DSE: variants seen among roughly 807,000 people sequenced by gnomAD.
DSE encodes dermatan sulfate epimerase.
DSE carries 36 observed loss-of-function variants against 84.4 expected under a neutral mutation model. The ratio of observed to expected loss-of-function variants is 0.43; its 90% CI spans 0.33 to 0.56. DSE has a LOEUF of 0.56. Ranked by LOEUF, DSE falls within the 20% of genes least tolerant of loss-of-function variation. The pLI, the probability that DSE is intolerant of heterozygous loss-of-function variation, is 0.06. For missense variants in DSE, 862 were observed against 1,169.6 expected, an observed-to-expected ratio of 0.74 and a Z score of 3.84; for synonymous variants, 410 against 430.1, an observed-to-expected ratio of 0.95 and a Z score of 0.58.
chr6:116,373,407 G>C (rs1278661036), intron 1 of DSE, among the ~76,000 whole-genome samples: 1 of 152,168 alleles, frequency 6.6e-6, no homozygotes, highest in Non-Finnish European at 1.5e-5. Flanking sequence ...AGTACAGGCA[G>C]TTGCCATGAT....
chr6:116,350,787 G>A (rs558312848), intron 2 of DSE, among the ~76,000 whole-genome samples: 1 of 152,010 alleles, frequency 6.6e-6, no homozygotes, highest in East Asian at 1.9e-4. Context: ...AAACGTGTAC[G>A]GTACCAAATA....
At chr6:116,303,535 A>G (rs1004944651) in intron 2 of DSE, among the ~76,000 whole-genome samples, 2 of 152,156 alleles carry the variant, frequency 1.3e-5, no homozygotes, top group Non-Finnish European at 2.9e-5. Context: ...TCTTCAATGA[A>G]TAAATGAAGC....
chr6:116,355,191 G>A (rs909268407), intron 2 of DSE, among the ~76,000 whole-genome samples: 5 of 152,166 alleles, frequency 3.3e-5, no homozygotes, highest in African/African-American at 1.2e-4. Context: ...TGGAATTGCT[G>A]GATGCAAATT....
At chr6:116,299,577 CATAT>C (rs1562213705) in intron 2 of DSE, among the ~76,000 whole-genome samples, 8 of 98,438 alleles carry the variant, frequency 8.1e-5, no homozygotes, top group Non-Finnish European at 1.3e-4. Context: ...CACACACATA[CATAT>C]ATATGTATGT....
At chr6:116,405,856 G>A (rs1046003526) in intron 2 of DSE, among the ~76,000 whole-genome samples, 3 of 152,176 alleles carry the variant, frequency 2.0e-5, no homozygotes, top group African/African-American at 7.2e-5. Flanking sequence ...GAGCAGCCCA[G>A]TTACAGTGCC....
intron 2 of DSE, among the ~76,000 whole-genome samples, chr6:116,347,843 C>T (rs1458439776): frequency 6.6e-6 from 1 of 152,200 alleles, no homozygotes; most frequent in Non-Finnish European, 1.5e-5. Flanking sequence ...AAACTACCAT[C>T]AGAGTTAACA....
rs778735094 is a variant in DSE, at chr6:116,399,266, C to T, written c.16C>T (p.Arg6Trp). 18 of 1,613,880 alleles carry T rather than the reference C, an allele frequency of 1.1e-5. No homozygotes were observed. The highest frequency in any genetic ancestry group is 2.2e-5 in the East Asian group (1 of 44,886). ...TGATGCCACGATGAGGACTCACACA[C>T]GGGGGGCTCCCAGTGTGTTTTTCAT... MRTHT[R>W]GAPSVFFIYL... The change falls in exon 2 of 6, where the codon CGG becomes TGG. Residue 6 changes from arginine to tryptophan, a missense_variant. Physicochemically the swap from Arg to Trp is moderately radical, Grantham distance 101. Around this residue, in one of 4 missense-constraint regions of DSE, gnomAD observed 52 missense variants for 49.6 expected, o/e 1.05. Transcript: ENST00000644252.
chr6:116,286,530 A>G (rs1773917309), intron 2 of DSE, among the ~76,000 whole-genome samples: 1 of 152,198 alleles, frequency 6.6e-6, no homozygotes. Flanking sequence ...GATATCTTCT[A>G]AAAGAGTCTT....
At chr6:116,355,302 T>C (rs749823765) in intron 2 of DSE, among the ~76,000 whole-genome samples, 11 of 152,254 alleles carry the variant, frequency 7.2e-5, no homozygotes, top group Non-Finnish European at 1.5e-4. Flanking sequence ...AGACTCACAA[T>C]TTCTGTGTAC....
At chr6:116,335,616 GC>G (rs1283484201) in intron 2 of DSE, among the ~76,000 whole-genome samples, 1 of 152,120 alleles carries the variant, frequency 6.6e-6, no homozygotes, top group African/African-American at 2.4e-5. Flanking sequence ...GATCTAATTG[GC>G]TTTTATTTGT....
chr6:116,361,639 G>C (rs1778896123), intron 2 of DSE, among the ~76,000 whole-genome samples: 1 of 152,126 alleles, frequency 6.6e-6, no homozygotes, highest in Admixed American at 6.5e-5. Flanking sequence ...CTGGGCAACA[G>C]AGCAAGACCC....
chr6:116,394,483 T>A (rs1781115826), intron 1 of DSE, among the ~76,000 whole-genome samples: 1 of 151,992 alleles, frequency 6.6e-6, no homozygotes. Context: ...TCACCCAGGC[T>A]AGAGTGCAGT....
intron 2 of DSE, among the ~76,000 whole-genome samples, chr6:116,402,949 T>C (rs1225979911): frequency 5.9e-5 from 9 of 152,216 alleles, no homozygotes; most frequent in Non-Finnish European, 1.2e-4. Flanking sequence ...AAAGTTCACC[T>C]CTATAGATTC....
intron 2 of DSE, among the ~76,000 whole-genome samples, chr6:116,302,666 T>C (rs1405205943): frequency 6.6e-6 from 1 of 152,256 alleles, no homozygotes; most frequent in Admixed American, 6.5e-5. Context: ...TTGTCTATTT[T>C]AGCTTTTGTT....
intron 3 of DSE, 31 bp from the exon 4 acceptor site, chr6:116,430,923 G>A (rs1257225579): frequency 1.2e-5 from 19 of 1,608,684 alleles, no homozygotes; most frequent in Non-Finnish European, 1.5e-5. Context: ...ACAGGCTTTA[G>A]TCATTGCTTC....
chr6:116,343,632 C>T (rs1424463566), intron 2 of DSE, among the ~76,000 whole-genome samples: 2 of 151,890 alleles, frequency 1.3e-5, no homozygotes, highest in Non-Finnish European at 2.9e-5. Context: ...TCCACACTAT[C>T]ACCATCATCA....
At chr6:116,342,825 A>G (rs1223822091) in intron 2 of DSE, among the ~76,000 whole-genome samples, 1 of 152,168 alleles carries the variant, frequency 6.6e-6, no homozygotes, top group Non-Finnish European at 1.5e-5. Flanking sequence ...CAGTGGATGC[A>G]GCCCACGGAG....
chr6:116,348,607 C>T (rs1425558244), intron 2 of DSE, among the ~76,000 whole-genome samples: 2 of 152,120 alleles, frequency 1.3e-5, no homozygotes, highest in Non-Finnish European at 2.9e-5. Flanking sequence ...CCATTTGACC[C>T]AGCCATCCCA....
At chr6:116,258,973 T>C in intron 2 of DSE, 1 of 1,486,308 alleles carries the variant, frequency 6.7e-7, no homozygotes, top group East Asian at 2.3e-5. Flanking sequence ...GTGAGGTAGG[T>C]ACTTGGCATA....
Sources: gnomAD v4.1 joint callset for allele counts (sites outside exome capture counted in the v4.1 genomes callset) on GRCh38, gnomAD v4.1.1 for gene constraint, gnomAD v4.1.1 regional missense constraint, MANE v1.5 for transcripts, NCBI Gene and HGNC (gene_info 2026-07-23, HGNC 2026-07-21) for gene names.